Variants in PTPRD observed in about 807,000 individuals in gnomAD.
PTPRD encodes the protein receptor-type tyrosine-protein phosphatase delta.
PTPRD carries 34 observed loss-of-function variants against 214.5 expected under a neutral mutation model. The observed-to-expected ratio is 0.16, with a 90% CI of 0.12 to 0.21. The LOEUF is 0.21. Ranked by LOEUF, PTPRD falls within the 10% of genes least tolerant of loss-of-function variation. The pLI, the probability that PTPRD is intolerant of heterozygous loss-of-function variation, is 1.00. For synonymous variants in PTPRD, 1,128 were observed against 845.7 expected, an observed-to-expected ratio of 1.33 and a Z score of -5.79; for missense variants, 2,545 against 2,398.7, an observed-to-expected ratio of 1.06 and a Z score of -1.27.
At chr9:8,923,621 CA>C (rs530457346) in intron 11 of PTPRD, among the ~76,000 whole-genome samples, 3 of 151,166 alleles carry the variant, frequency 2.0e-5, no homozygotes, top group Non-Finnish European at 4.4e-5. Flanking sequence ...TTTAAAAATG[CA>C]AAAAAAAGTT....
intron 2 of PTPRD, among the ~76,000 whole-genome samples, chr9:10,526,205 C>T (rs943249335): frequency 2.0e-5 from 3 of 151,878 alleles, no homozygotes; most frequent in African/African-American, 7.2e-5. Flanking sequence ...AATAAAATAG[C>T]GCATTTCATT....
intron 9 of PTPRD, among the ~76,000 whole-genome samples, chr9:9,362,423 A>G (rs772428970): frequency 6.6e-6 from 1 of 151,238 alleles, no homozygotes; most frequent in African/African-American, 2.4e-5. Flanking sequence ...ACTAAAAACT[A>G]CAACACAGTG....
chr9:10,424,854 G>T (rs1220619082), intron 2 of PTPRD, among the ~76,000 whole-genome samples: 1 of 151,882 alleles, frequency 6.6e-6, no homozygotes, highest in Non-Finnish European at 1.5e-5. Flanking sequence ...ATAGCATGCT[G>T]GTTCTACTTC....
At chr9:9,702,678 G>C (rs2097527517) in intron 7 of PTPRD, among the ~76,000 whole-genome samples, 1 of 152,170 alleles carries the variant, frequency 6.6e-6, no homozygotes, top group Non-Finnish European at 1.5e-5. Context: ...ACTGCTTATG[G>C]AGGAAAAGTG....
intron 31 of PTPRD, among the ~76,000 whole-genome samples, chr9:8,468,254 G>A (rs2096582485): frequency 6.6e-6 from 1 of 151,956 alleles, no homozygotes; most frequent in African/African-American, 2.4e-5. Flanking sequence ...CACGTTAAAT[G>A]GTTCAAATGG....
At chr9:8,443,742 C>T (rs1192040035) in intron 34 of PTPRD, among the ~76,000 whole-genome samples, 1 of 152,058 alleles carries the variant, frequency 6.6e-6, no homozygotes. Context: ...AATATGCAGG[C>T]AGAGGGGAAG....
intron 2 of PTPRD, among the ~76,000 whole-genome samples, chr9:10,558,712 C>G (rs1158926452): frequency 2.0e-5 from 3 of 152,078 alleles, no homozygotes; most frequent in Non-Finnish European, 4.4e-5. Context: ...GTGCTAAATA[C>G]AGTGACCAGC....
chr9:8,719,170 C>T (rs1290781425), intron 12 of PTPRD, among the ~76,000 whole-genome samples: 1 of 152,120 alleles, frequency 6.6e-6, no homozygotes, highest in Non-Finnish European at 1.5e-5. Context: ...GCACACCGTG[C>T]AATGAAAACT....
chr9:8,356,370 T>G (rs1294388850), intron 39 of PTPRD, among the ~76,000 whole-genome samples: 1 of 152,214 alleles, frequency 6.6e-6, no homozygotes, highest in Non-Finnish European at 1.5e-5. Context: ...AAGCCTCATT[T>G]TATGACCAAG....
intron 6 of PTPRD, among the ~76,000 whole-genome samples, chr9:9,737,067 A>G (rs1231383773): frequency 1.3e-5 from 2 of 152,082 alleles, no homozygotes; most frequent in Non-Finnish European, 2.9e-5. Flanking sequence ...TCTAATCCAA[A>G]AATCTACCTG....
At chr9:9,019,808 A>ATAAT (rs1433283128) in intron 10 of PTPRD, among the ~76,000 whole-genome samples, 2 of 152,214 alleles carry the variant, frequency 1.3e-5, no homozygotes, top group Admixed American at 6.5e-5. Context: ...CGGGAGTTTT[A>ATAAT]TAATTTATAA....
chr9:10,139,969 C>T (rs1038250871), intron 3 of PTPRD, among the ~76,000 whole-genome samples: 2 of 152,012 alleles, frequency 1.3e-5, no homozygotes, highest in Non-Finnish European at 2.9e-5. Context: ...TTCTTGATAT[C>T]AGCCTTGGCA....
At position 9,758,312 on chromosome 9, in the gene PTPRD, C is replaced by G. The variant is rs952501091; in HGVS notation, c.-326+8498G>C. 5.9e-5 allele frequency among the ~76,000 whole-genome samples: 9 copies of G among 152,022 alleles called. No homozygotes were observed. In the East Asian group the frequency reaches 1.7e-3, roughly 29 times the overall value. The stretch of plus-strand genomic sequence containing the variant: ...TTTTTATTGATGTTTACTTTTAAGG[C>G]AGTTTTTATTTTATGAAAGCAACAC... On this transcript the variant is annotated intron_variant, in intron 6 of 45. Transcript: ENST00000381196.
intron 37 of PTPRD, among the ~76,000 whole-genome samples, chr9:8,378,923 T>C (rs528627151): frequency 6.6e-6 from 1 of 152,188 alleles, no homozygotes; most frequent in South Asian, 2.1e-4. Context: ...ACTAAAATTA[T>C]ACTAATCCTT....
chr9:10,061,372 T>C (rs2097775330), intron 3 of PTPRD, among the ~76,000 whole-genome samples: 1 of 152,050 alleles, frequency 6.6e-6, no homozygotes, highest in South Asian at 2.1e-4. Context: ...AAAACACAGT[T>C]CCACTTATGT....
At chr9:8,442,622 T>A (rs1055082188) in intron 34 of PTPRD, among the ~76,000 whole-genome samples, 1 of 152,226 alleles carries the variant, frequency 6.6e-6, no homozygotes, top group Non-Finnish European at 1.5e-5. Context: ...TAGACTTCTA[T>A]GAGTTAACAG....
intron 2 of PTPRD, among the ~76,000 whole-genome samples, chr9:10,532,672 AC>A (rs1374016320): frequency 6.0e-5 from 9 of 149,006 alleles, no homozygotes; most frequent in African/African-American, 2.2e-4. Context: ...TTCTTTAAAA[AC>A]ATTGCACCAG....
intron 9 of PTPRD, among the ~76,000 whole-genome samples, chr9:9,267,641 C>G (rs4350033): frequency 0.19 from 28,523 of 150,966 alleles, 3,151 homozygotes; most frequent in Middle Eastern, 0.3. Context: ...AAATTACCAG[C>G]AAAATGAATT....
At chr9:9,979,773 G>A (rs909521562) in intron 4 of PTPRD, among the ~76,000 whole-genome samples, 7 of 152,102 alleles carry the variant, frequency 4.6e-5, no homozygotes, top group East Asian at 1.9e-4. Flanking sequence ...TACTGCAAAC[G>A]CACAGTATTA....
Sources: gnomAD v4.1 joint callset for allele counts (sites outside exome capture counted in the v4.1 genomes callset) on GRCh38, gnomAD v4.1.1 for gene constraint, MANE v1.5 for transcripts, NCBI Gene and HGNC (gene_info 2026-07-23, HGNC 2026-07-21) for gene names.